DNAH12: variants seen among roughly 807,000 people sequenced by gnomAD.
DNAH12 encodes the protein dynein axonemal heavy chain 12, also known as axonemal beta dynein heavy chain 12.
A neutral mutation model predicts 371.5 loss-of-function variants in DNAH12; 285 were observed. That is an observed-to-expected ratio of 0.77 (90% CI 0.70 to 0.85). The LOEUF (loss-of-function observed/expected upper bound fraction) is 0.85, where lower values mean the gene tolerates loss of function less well. DNAH12 is among the 40% of genes least tolerant of loss of function. The pLI is 0.00. For missense variants in DNAH12, 3,611 were observed against 3,689.4 expected (o/e 0.98, Z 0.55); for synonymous variants, 1,200 against 1,213.0 (o/e 0.99, Z 0.22).
rs190852633 is a variant in DNAH12 at position 57,486,122 on chromosome 3, G to A, written c.1515-2611C>T. Among the ~76,000 whole-genome samples the A allele has an allele frequency of 9.2e-3, 1,400 of 151,480 alleles. 12 individuals carry two copies. Among genetic ancestry groups the A allele is most frequent in the Non-Finnish European group, 0.013 (874 of 67,898 alleles). ...CAGCCCCAGCTACCTGGGGGGCTGA[G>A]GAGATTCCAGGAGAATAGCTTGAAC... On this transcript the variant is annotated intron_variant, in intron 12 of 73. Transcript: ENST00000495027.
At chr3:57,345,201 A>T (rs1553657664) in intron 60 of DNAH12, among the ~76,000 whole-genome samples, 3 of 152,190 alleles carry the variant, frequency 2.0e-5, no homozygotes, top group Non-Finnish European at 4.4e-5. Context: ...GTCTGTCTGA[A>T]ATGGTGGGTA....
At chr3:57,425,287 A>T (rs1331334014) in intron 34 of DNAH12, 146 bp from the exon 35 acceptor site, 1 of 576,208 alleles carries the variant, frequency 1.7e-6, no homozygotes, top group Non-Finnish European at 3.1e-6. Flanking sequence ...TCACTCTGTC[A>T]TCCAGGCTGG....
intron 62 of DNAH12, among the ~76,000 whole-genome samples, chr3:57,332,812 G>A (rs1053844355): frequency 6.6e-6 from 1 of 152,092 alleles, no homozygotes; most frequent in African/African-American, 2.4e-5. Flanking sequence ...ATGAAGGCTG[G>A]GACTCATTCA....
chr3:57,515,833 G>A (rs976204061), intron 4 of DNAH12, among the ~76,000 whole-genome samples: 6 of 151,836 alleles, frequency 4.0e-5, no homozygotes, highest in Non-Finnish European at 8.8e-5. Flanking sequence ...TTAACATTAT[G>A]GGAACACATA....
intron 12 of DNAH12, 111 bp from the exon 13 acceptor site, chr3:57,483,622 A>T (rs1026630814): frequency 2.1e-6 from 2 of 963,036 alleles, no homozygotes; most frequent in Admixed American, 5.4e-5. Context: ...ATCCTAAAAA[A>T]ATTGCTTGAT....
chr3:57,526,477 G>A (rs1210711711), intron 2 of DNAH12, among the ~76,000 whole-genome samples: 1 of 149,324 alleles, frequency 6.7e-6, no homozygotes, highest in Non-Finnish European at 1.5e-5. Flanking sequence ...CTACTCCATA[G>A]ACAGAGCAGC....
chr3:57,359,579 A>AG lies in DNAH12; in HGVS notation c.9361-2232_9361-2231insC, dbSNP rs1438678596. On this transcript the variant is annotated intron_variant, in intron 58 of 73. Transcript: ENST00000495027. ...CATCTCAAAAAAAAAAAAAAAAAAAAAGAAAGAAAGAAAGAAATACTGTGA... is the reference window on the plus strand; with the variant it reads ...CATCTCAAAAAAAAAAAAAAAAAAAAGAGAAAGAAAGAAAGAAATACTGTGA... Among the ~76,000 whole-genome samples, 135 of 150,676 alleles carry AG rather than the reference A, an allele frequency of 9.0e-4. 1 individual carries two copies. Among genetic ancestry groups the AG allele is most frequent in the Non-Finnish European group, 7.1e-4 (48 of 67,572 alleles).
chr3:57,360,972 T>A (rs1336561270), intron 58 of DNAH12, among the ~76,000 whole-genome samples: 1 of 152,140 alleles, frequency 6.6e-6, no homozygotes, highest in African/African-American at 2.4e-5. Flanking sequence ...TTTCCTCAAC[T>A]ATGAAGTGCA....
At chr3:57,327,527 A>G (rs2061979691) in intron 62 of DNAH12, among the ~76,000 whole-genome samples, 1 of 152,240 alleles carries the variant, frequency 6.6e-6, no homozygotes, top group South Asian at 2.1e-4. Context: ...CAAAGACACA[A>G]TATACCAGAA....
At chr3:57,487,397 AAG>A (rs1418102424) in intron 12 of DNAH12, among the ~76,000 whole-genome samples, 1 of 119,772 alleles carries the variant, frequency 8.3e-6, no homozygotes. Context: ...AAGAGAAAGA[AAG>A]AAAGAAAAAA....
intron 58 of DNAH12, among the ~76,000 whole-genome samples, chr3:57,363,347 C>T (rs1304095775): frequency 3.3e-5 from 5 of 151,888 alleles, no homozygotes; most frequent in South Asian, 2.1e-4. Flanking sequence ...TATTTTAAAA[C>T]GTTCATTCTA....
chr3:57,453,179 A>G, intron 24 of DNAH12, 68 bp downstream of exon 24: 7 of 1,481,134 alleles, frequency 4.7e-6, no homozygotes, highest in Non-Finnish European at 6.3e-6. Flanking sequence ...GAATACATAT[A>G]GTACAAGTCT....
chr3:57,296,463 G>T, intron 71 of DNAH12, 28 bp from the exon 72 acceptor site: 2 of 1,491,660 alleles, frequency 1.3e-6, no homozygotes, highest in Non-Finnish European at 1.8e-6. Context: ...CACTAGCAGT[G>T]ATCCTCTCCA....
intron 12 of DNAH12, among the ~76,000 whole-genome samples, chr3:57,486,189 A>T (rs2066918270): frequency 6.6e-6 from 1 of 151,944 alleles, no homozygotes; most frequent in South Asian, 2.1e-4. Flanking sequence ...CTCAAAAAAA[A>T]AAAAAAGAAT....
chr3:57,393,354 G>A (rs2063664828), intron 44 of DNAH12, among the ~76,000 whole-genome samples: 1 of 152,080 alleles, frequency 6.6e-6, no homozygotes, highest in African/African-American at 2.4e-5. Context: ...GTGGCCGGGC[G>A]AGGTGGCTCA....
intron 60 of DNAH12, among the ~76,000 whole-genome samples, chr3:57,349,969 C>T (rs1031661499): frequency 4.2e-4 from 64 of 152,296 alleles, no homozygotes; most frequent in African/African-American, 1.3e-3. Flanking sequence ...GGATTACAGG[C>T]GTGGGCCACC....
At chr3:57,450,736 C>G (rs1295493478) in intron 25 of DNAH12, among the ~76,000 whole-genome samples, 1 of 152,186 alleles carries the variant, frequency 6.6e-6, no homozygotes, top group Non-Finnish European at 1.5e-5. Flanking sequence ...ACAAGACAGA[C>G]ATAGTTCTTG....
chr3:57,516,981 C>T (rs2068223840), intron 4 of DNAH12, among the ~76,000 whole-genome samples: 1 of 152,172 alleles, frequency 6.6e-6, no homozygotes, highest in Non-Finnish European at 1.5e-5. Context: ...CAATCAGCAG[C>T]TGGCCTTCTT....
intron 27 of DNAH12, 34 bp downstream of exon 27, chr3:57,445,993 TAAAA>T: frequency 7.2e-7 from 1 of 1,394,656 alleles, no homozygotes; most frequent in African/African-American, 2.6e-5. Context: ...TTCAAAAACA[TAAAA>T]TAAATAAATA....
Sources: allele counts gnomAD v4.1 joint callset (sites outside exome capture counted in the v4.1 genomes callset), GRCh38; gene constraint gnomAD v4.1.1; transcripts MANE v1.5; gene names NCBI Gene and HGNC (gene_info 2026-07-23, HGNC 2026-07-21).